CTNNA3: variants seen among roughly 807,000 people sequenced by gnomAD.
CTNNA3 encodes the protein catenin alpha 3.
CTNNA3 carries 76 observed loss-of-function variants against 95.7 expected under a neutral mutation model. The ratio of observed to expected loss-of-function variants is 0.79; its 90% CI spans 0.66 to 0.96. The LOEUF (loss-of-function observed/expected upper bound fraction) is 0.96. Ranked by LOEUF, CTNNA3 falls within the 40% of genes least tolerant of loss-of-function variation. The pLI, the probability that CTNNA3 is intolerant of heterozygous loss-of-function variation, is 0.00. For synonymous variants in CTNNA3, 431 were observed against 374.4 expected (o/e 1.15, Z -1.74); for missense variants, 1,191 against 1,089.8 (o/e 1.09, Z -1.31).
Position 66,842,132 on chromosome 10 carries a change from G to T in CTNNA3, c.1048-66608C>A, listed in dbSNP as rs562162686. ...TTTTTTTCTTTTTTTTTGGAGAGAT[G>T]CAGTCTCTCTATGTTGCCCAGGCTG... On this transcript the variant is annotated intron_variant, in intron 7 of 17. Coordinates refer to ENST00000433211, the MANE Select transcript of CTNNA3 (RefSeq NM_013266.4). 3.4e-4 allele frequency among the ~76,000 whole-genome samples: 51 copies of T among 151,726 alleles called. 1 individual carries two copies. The South Asian group carries it at 0.011, about 32-fold the overall frequency.
chr10:66,645,701 C>T (rs10762082), intron 9 of CTNNA3, among the ~76,000 whole-genome samples: 13 of 152,042 alleles, frequency 8.6e-5, no homozygotes, highest in South Asian at 2.1e-4. Flanking sequence ...GATTCTCATA[C>T]GAGCTCCAAC....
At chr10:67,206,102 A>T (rs1863886897) in intron 6 of CTNNA3, among the ~76,000 whole-genome samples, 1 of 152,180 alleles carries the variant, frequency 6.6e-6, no homozygotes, top group African/African-American at 2.4e-5. Context: ...TGTCAAAAAG[A>T]TATAAAAAGT....
At chr10:67,619,389 G>A (rs76723158) in intron 2 of CTNNA3, among the ~76,000 whole-genome samples, 20,142 of 152,018 alleles carry the variant, frequency 0.13, 2,371 homozygotes, top group African/African-American at 0.32. Context: ...TTCAATAAAT[G>A]GTGCTAGGAA....
chr10:67,669,532 C>G (rs778774167), intron 1 of CTNNA3, among the ~76,000 whole-genome samples: 7 of 151,982 alleles, frequency 4.6e-5, no homozygotes, highest in African/African-American at 1.5e-4. Context: ...CTCACTTTAC[C>G]CTCTTTGGCC....
At chr10:67,278,719 G>T (rs1172458937) in intron 5 of CTNNA3, among the ~76,000 whole-genome samples, 1 of 152,198 alleles carries the variant, frequency 6.6e-6, no homozygotes, top group East Asian at 1.9e-4. Flanking sequence ...GGGGGAAGGA[G>T]ATTCTCTGTA....
At chr10:66,962,996 G>C (rs1224958431) in intron 7 of CTNNA3, among the ~76,000 whole-genome samples, 1 of 146,990 alleles carries the variant, frequency 6.8e-6, no homozygotes, top group African/African-American at 2.5e-5. Context: ...GAATGAAGGG[G>C]TTCTTTGGAA....
chr10:66,054,907 G>A (rs1286455444), intron 15 of CTNNA3, among the ~76,000 whole-genome samples: 1 of 152,126 alleles, frequency 6.6e-6, no homozygotes, highest in Non-Finnish European at 1.5e-5. Context: ...TATATAGTGA[G>A]AGATAGAGGT....
rs140335600 is a variant in CTNNA3, at chr10:67,668,447, G to A, written c.-5-20929C>T. Among the ~76,000 whole-genome samples, 551 of 152,168 alleles carry A rather than the reference G, an allele frequency of 3.6e-3. 5 individuals carry two copies. The highest frequency in any genetic ancestry group is 0.012 in the African/African-American group (517 of 41,500). ...TGTTTTTCCTATACCTGCAAACTAT[G>A]ATAAAGTTTAATTTATAAGTTAGGC... On this transcript the variant is annotated intron_variant, in intron 1 of 17. Transcript: ENST00000433211.
At chr10:66,907,902 A>G (rs1359453823) in intron 7 of CTNNA3, among the ~76,000 whole-genome samples, 1 of 152,202 alleles carries the variant, frequency 6.6e-6, no homozygotes, top group Non-Finnish European at 1.5e-5. Context: ...ACTGACCAAA[A>G]AAATTAAAGC....
At chr10:67,703,118 A>G (rs1841054506) in intron 1 of CTNNA3, among the ~76,000 whole-genome samples, 1 of 152,260 alleles carries the variant, frequency 6.6e-6, no homozygotes, top group South Asian at 2.1e-4. Context: ...AGGCTCTGAA[A>G]TTGTGGCAAC....
intron 13 of CTNNA3, among the ~76,000 whole-genome samples, chr10:66,240,707 A>G (rs1217875290): frequency 6.6e-6 from 1 of 152,074 alleles, no homozygotes; most frequent in East Asian, 1.9e-4. Context: ...AAAAACATCA[A>G]GCTAAAAATG....
At chr10:66,755,663 C>T (rs756520800) in intron 9 of CTNNA3, among the ~76,000 whole-genome samples, 5 of 152,056 alleles carry the variant, frequency 3.3e-5, no homozygotes, top group Non-Finnish European at 5.9e-5. Flanking sequence ...AGTAAATCCG[C>T]TTCTGGGTGT....
chr10:65,959,674 A>G (rs1028501072), intron 17 of CTNNA3, among the ~76,000 whole-genome samples: 1 of 152,078 alleles, frequency 6.6e-6, no homozygotes, highest in Non-Finnish European at 1.5e-5. Context: ...ACAGGCATAC[A>G]CCACCACACC....
intron 7 of CTNNA3, among the ~76,000 whole-genome samples, chr10:67,056,326 C>A (rs1855425856): frequency 6.6e-6 from 1 of 152,148 alleles, no homozygotes; most frequent in Non-Finnish European, 1.5e-5. Flanking sequence ...ATTTCTCTGG[C>A]TTGCAGTTAC....
At chr10:66,342,179 A>C (rs747473411) in intron 12 of CTNNA3, among the ~76,000 whole-genome samples, 3 of 151,982 alleles carry the variant, frequency 2.0e-5, no homozygotes, top group Admixed American at 1.3e-4. Flanking sequence ...CAAATAGTCT[A>C]AACCGTACTT....
chr10:65,945,554 G>A (rs2077503352), intron 17 of CTNNA3, among the ~76,000 whole-genome samples: 2 of 152,178 alleles, frequency 1.3e-5, no homozygotes, highest in South Asian at 4.1e-4. Context: ...CATTGAGAAT[G>A]TTGGACAGCA....
At chr10:67,456,139 A>T (rs1438488316) in intron 5 of CTNNA3, among the ~76,000 whole-genome samples, 1 of 152,200 alleles carries the variant, frequency 6.6e-6, no homozygotes, top group Non-Finnish European at 1.5e-5. Flanking sequence ...ATCAAAATGG[A>T]AGAGAATTAG....
At chr10:66,481,723 G>A (rs796232931) in intron 11 of CTNNA3, among the ~76,000 whole-genome samples, 10 of 134,252 alleles carry the variant, frequency 7.4e-5, no homozygotes, top group African/African-American at 3.1e-4. Context: ...CACCCGCCTC[G>A]GCCTCCCAAA....
intron 4 of CTNNA3, among the ~76,000 whole-genome samples, chr10:67,523,540 A>C (rs1338848439): frequency 6.6e-6 from 1 of 152,220 alleles, no homozygotes; most frequent in Admixed American, 6.5e-5. Flanking sequence ...GGTAGTAAAG[A>C]GAGTGCAAAA....
Sources: allele counts gnomAD v4.1 joint callset (sites outside exome capture counted in the v4.1 genomes callset), GRCh38; gene constraint gnomAD v4.1.1; transcripts MANE v1.5; gene names NCBI Gene and HGNC (gene_info 2026-07-23, HGNC 2026-07-21).